Variants in FARP1 observed in about 807,000 individuals in gnomAD.
FARP1 encodes FERM, ARH/RhoGEF and pleckstrin domain protein 1.
FARP1 carries 52 observed loss-of-function variants against 128.8 expected under a neutral mutation model. That is an observed-to-expected ratio of 0.40 (90% CI 0.32 to 0.51). The LOEUF (loss-of-function observed/expected upper bound fraction) is 0.51, where lower values mean the gene tolerates loss of function less well. Ranked by LOEUF, FARP1 falls within the 20% of genes least tolerant of loss-of-function variation. FARP1 has a pLI of 0.45. For synonymous variants in FARP1, 580 were observed against 551.8 expected, an observed-to-expected ratio of 1.05 and a Z score of -0.72; for missense variants, 1,333 against 1,367.9, an observed-to-expected ratio of 0.97 and a Z score of 0.40.
chr13:98,341,626 C>T (rs1257827045), intron 2 of FARP1, among the ~76,000 whole-genome samples: 6 of 151,948 alleles, frequency 3.9e-5, no homozygotes, highest in African/African-American at 1.2e-4. Flanking sequence ...AGGGAAACTC[C>T]GTTTCAAAAA....
chr13:98,363,245 T>C (rs1888947111), intron 3 of FARP1, among the ~76,000 whole-genome samples: 1 of 152,200 alleles, frequency 6.6e-6, no homozygotes, highest in Non-Finnish European at 1.5e-5. Context: ...GCATCAGGAC[T>C]AGGGTTTTTA....
intron 24 of FARP1, among the ~76,000 whole-genome samples, chr13:98,443,026 G>A (rs1190857881): frequency 2.0e-5 from 3 of 152,212 alleles, no homozygotes; most frequent in East Asian, 3.9e-4. Context: ...AAATCTACAC[G>A]GTCGCAGCCT....
intron 3 of FARP1, among the ~76,000 whole-genome samples, chr13:98,353,598 G>A (rs1205208879): frequency 3.3e-5 from 5 of 152,094 alleles, no homozygotes; most frequent in Non-Finnish European, 5.9e-5. Context: ...GGCTGGTCTC[G>A]AACTCCTGAC....
chr13:98,213,581 G>A (rs1176968665), intron 2 of FARP1, among the ~76,000 whole-genome samples, 168 bp downstream of exon 2: 1 of 152,036 alleles, frequency 6.6e-6, no homozygotes, highest in African/African-American at 2.4e-5. Flanking sequence ...TTCTGGTTTC[G>A]AGCTCTCCAG....
chr13:98,444,750 A>G (rs1350079513), intron 24 of FARP1, among the ~76,000 whole-genome samples: 2 of 152,226 alleles, frequency 1.3e-5, no homozygotes, highest in Non-Finnish European at 2.9e-5. Context: ...GATGGGTGAC[A>G]TGTATGAACC....
intron 3 of FARP1, among the ~76,000 whole-genome samples, chr13:98,359,037 A>G (rs1888755808): frequency 6.6e-6 from 1 of 152,200 alleles, no homozygotes; most frequent in South Asian, 2.1e-4. Context: ...CTTGGCTCCT[A>G]TATGTGTTAC....
intron 1 of FARP1, among the ~76,000 whole-genome samples, chr13:98,182,300 T>C (rs1878592552): frequency 1.3e-5 from 2 of 152,146 alleles, no homozygotes; most frequent in South Asian, 4.1e-4. Flanking sequence ...TTTTGACTCA[T>C]TGGTTGGTTC....
chr13:98,207,740 G>C (rs1880358078), intron 1 of FARP1, among the ~76,000 whole-genome samples: 1 of 152,016 alleles, frequency 6.6e-6, no homozygotes, highest in African/African-American at 2.4e-5. Context: ...AATGGGGAAG[G>C]CCAACTTGAC....
rs892178138 is a variant in FARP1, at chr13:98,390,185, G to T, written c.1019+65G>T. On this transcript the variant is annotated intron_variant, in intron 10 of 26. Transcript: ENST00000319562. ...GTTTTTCCTCCCGCCTCTCACAGCC[G>T]CTGTGACACACAGCAGGTCAGGGAG... 49 of 1,536,398 alleles carry T rather than the reference G, an allele frequency of 3.2e-5. No individual in the cohort carries two copies. The African/African-American group carries it at 5.2e-4, about 16-fold the overall frequency.
chr13:98,411,287 G>A (rs1369810972), intron 15 of FARP1, among the ~76,000 whole-genome samples: 1 of 152,090 alleles, frequency 6.6e-6, no homozygotes, highest in Non-Finnish European at 1.5e-5. Flanking sequence ...ACAAATTCAG[G>A]GCATTGCAGA....
At position 98,292,646 on chromosome 13, in the gene FARP1, A is replaced by G. The variant is rs188008383; in HGVS notation, c.172-51116A>G. On this transcript the variant is annotated intron_variant, in intron 2 of 26. Coordinates refer to ENST00000319562, the MANE Select transcript of FARP1 (RefSeq NM_005766.4). ...AGATATAGAACATTCCCTCCCTGGT[A>G]GAACATTGTATTGGGCAGTACTGAT... Among the ~76,000 whole-genome samples the G allele has an allele frequency of 2.1e-3, 318 of 152,362 alleles. 1 individual carries two copies. The highest frequency in any genetic ancestry group is 3.1e-3 in the Non-Finnish European group (210 of 68,040).
At chr13:98,312,738 G>A (rs1402611248) in intron 2 of FARP1, among the ~76,000 whole-genome samples, 1 of 152,046 alleles carries the variant, frequency 6.6e-6, no homozygotes, top group Non-Finnish European at 1.5e-5. Flanking sequence ...CAGTTTATAA[G>A]CCTCTCCTGC....
At chr13:98,172,332 A>G (rs1261859924) in intron 1 of FARP1, among the ~76,000 whole-genome samples, 2 of 151,642 alleles carry the variant, frequency 1.3e-5, no homozygotes, top group Admixed American at 6.6e-5. Context: ...ATAGGGCGTC[A>G]TGGGGGTTGG....
chr13:98,173,896 C>T (rs1423602522), intron 1 of FARP1, among the ~76,000 whole-genome samples: 1 of 152,212 alleles, frequency 6.6e-6, no homozygotes, highest in Non-Finnish European at 1.5e-5. Flanking sequence ...TGATGGGGGA[C>T]TGTCCTCATC....
At chr13:98,293,851 T>G (rs913889644) in intron 2 of FARP1, among the ~76,000 whole-genome samples, 2 of 152,202 alleles carry the variant, frequency 1.3e-5, no homozygotes, top group African/African-American at 4.8e-5. Context: ...GATGGCCATT[T>G]TGCTTACCCA....
At chr13:98,155,634 T>C (rs1403685509) in intron 1 of FARP1, among the ~76,000 whole-genome samples, 1 of 152,146 alleles carries the variant, frequency 6.6e-6, no homozygotes, top group Non-Finnish European at 1.5e-5. Flanking sequence ...GCCTTCCACT[T>C]CAGCCTCCCA....
At chr13:98,281,211 G>T (rs1884920654) in intron 2 of FARP1, among the ~76,000 whole-genome samples, 1 of 152,042 alleles carries the variant, frequency 6.6e-6, no homozygotes, top group Non-Finnish European at 1.5e-5. Context: ...AAATTAGCTG[G>T]GTGTGGTGGC....
At chr13:98,419,714 A>T (rs1376979408) in intron 16 of FARP1, among the ~76,000 whole-genome samples, 1 of 152,152 alleles carries the variant, frequency 6.6e-6, no homozygotes, top group Non-Finnish European at 1.5e-5. Flanking sequence ...GAGGACAATG[A>T]TGTGGTATTG....
chr13:98,247,163 A>T (rs1883112236), intron 2 of FARP1, among the ~76,000 whole-genome samples: 1 of 152,192 alleles, frequency 6.6e-6, no homozygotes. Flanking sequence ...AATCACTGGA[A>T]CCCAGGAGGC....
Sources: gnomAD v4.1 joint callset for allele counts (sites outside exome capture counted in the v4.1 genomes callset) on GRCh38, gnomAD v4.1.1 for gene constraint, MANE v1.5 for transcripts, NCBI Gene and HGNC (gene_info 2026-07-23, HGNC 2026-07-21) for gene names.